PDE3B: variants seen among roughly 807,000 people sequenced by gnomAD.
PDE3B encodes phosphodiesterase 3B.
In PDE3B, 66 loss-of-function variants were observed where a neutral mutation model predicts 116.8. The observed-to-expected ratio is 0.56, with a 90% CI of 0.46 to 0.69. The LOEUF is 0.69. PDE3B is among the 30% of genes least tolerant of loss of function. The pLI is 0.00. For missense variants in PDE3B, 1,384 were observed against 1,368.1 expected, an observed-to-expected ratio of 1.01 and a Z score of -0.18; for synonymous variants, 595 against 533.6, an observed-to-expected ratio of 1.12 and a Z score of -1.59.
At chr11:14,779,146 C>G (rs1857889604) in intron 2 of PDE3B, among the ~76,000 whole-genome samples, 1 of 152,116 alleles carries the variant, frequency 6.6e-6, no homozygotes, top group Non-Finnish European at 1.5e-5. Context: ...TGAGCAAAGC[C>G]TCCAAGAAAT....
intron 10 of PDE3B, among the ~76,000 whole-genome samples, chr11:14,833,952 C>T (rs894678092): frequency 9.2e-5 from 14 of 152,124 alleles, no homozygotes; most frequent in African/African-American, 2.4e-4. Flanking sequence ...AGTTAGGATA[C>T]ATTAGTTAAG....
At chr11:14,677,501 A>C (rs1484542026) in intron 1 of PDE3B, among the ~76,000 whole-genome samples, 1 of 152,208 alleles carries the variant, frequency 6.6e-6, no homozygotes, top group Non-Finnish European at 1.5e-5. Flanking sequence ...ATTTCCCTCG[A>C]ATCTTAAGTA....
the PDE3B span, chr11:14,890,357 C>A: frequency 2.4e-6 from 1 of 410,554 alleles, no homozygotes; most frequent in Non-Finnish European, 3.3e-6. Flanking sequence ...AAATATATTA[C>A]ATGAAAATCA....
At chr11:14,743,273 C>A (rs1856818308) in intron 1 of PDE3B, among the ~76,000 whole-genome samples, 1 of 152,176 alleles carries the variant, frequency 6.6e-6, no homozygotes, top group African/African-American at 2.4e-5. Flanking sequence ...GAGGTGGAAT[C>A]TAGAGAGGAA....
intron 1 of PDE3B, among the ~76,000 whole-genome samples, chr11:14,752,359 T>C (rs1857077612): frequency 2.0e-5 from 3 of 152,330 alleles, no homozygotes; most frequent in East Asian, 1.9e-4. Context: ...AGTGGTATTA[T>C]ACTATCTTCT....
chr11:14,764,164 A>C (rs1273801564), intron 1 of PDE3B, among the ~76,000 whole-genome samples: 1 of 152,124 alleles, frequency 6.6e-6, no homozygotes, highest in Admixed American at 6.6e-5. Flanking sequence ...TGAAGGAAGG[A>C]CCAGCTAGTA....
chr11:14,879,461 T>G, the PDE3B span: 1 of 1,572,466 alleles, frequency 6.4e-7, no homozygotes. Context: ...AGAAAAAGTA[T>G]TCAAGTTATT....
downstream of PDE3B, among the ~76,000 whole-genome samples, chr11:14,876,862 C>G (rs749146367): frequency 5.3e-5 from 8 of 152,108 alleles, no homozygotes; most frequent in Non-Finnish European, 1.2e-4. Flanking sequence ...CACCCTTCCT[C>G]CAAATTCCCC....
chr11:14,885,969 T>G, the PDE3B span: 6 of 1,571,178 alleles, frequency 3.8e-6, no homozygotes, highest in Non-Finnish European at 5.2e-6. Context: ...TATGGAGAAA[T>G]ATAACCATGG....
chr11:14,873,342 TTTG>T (rs1333975295), downstream of PDE3B, among the ~76,000 whole-genome samples: 5 of 152,202 alleles, frequency 3.3e-5, no homozygotes, highest in Non-Finnish European at 7.3e-5. Flanking sequence ...CTGTAACTAA[TTTG>T]TTGTTAATTT....
chr11:14,834,429 T>C (rs935977118), intron 10 of PDE3B, among the ~76,000 whole-genome samples: 1 of 152,228 alleles, frequency 6.6e-6, no homozygotes. Context: ...AAGCCTATAC[T>C]CTTTACACTA....
At chr11:14,704,382 A>G (rs1855468640) in intron 1 of PDE3B, among the ~76,000 whole-genome samples, 1 of 151,780 alleles carries the variant, frequency 6.6e-6, no homozygotes, top group Non-Finnish European at 1.5e-5. Flanking sequence ...AAATTCAGAG[A>G]TATTCTAATA....
At chr11:14,861,181 AATG>A (rs782503537) in intron 13 of PDE3B, 21 bp from the exon 14 acceptor site, 1 of 1,587,718 alleles carries the variant, frequency 6.3e-7, no homozygotes, top group Non-Finnish European at 8.6e-7. Context: ...CAGAACCTAA[AATG>A]ATGTTGTTTT....
chr11:14,757,489 G>A lies in PDE3B; in HGVS notation c.979-14448G>A, dbSNP rs577537947. Among the ~76,000 whole-genome samples, 265 of 151,332 alleles carry A rather than the reference G, an allele frequency of 1.8e-3. 1 individual carries two copies. The highest frequency in any genetic ancestry group is 5.9e-3 in the African/African-American group (242 of 41,048). Reference sequence around the variant, plus strand: ...GCTGTTTCCTGACTTTTTAATGACTGCCATTCTAACTGGTGTGAGATGGTA... The same window carrying A: ...GCTGTTTCCTGACTTTTTAATGACTACCATTCTAACTGGTGTGAGATGGTA... On this transcript the variant is annotated intron_variant, in intron 1 of 15. Transcript: ENST00000282096.
intron 1 of PDE3B, among the ~76,000 whole-genome samples, chr11:14,669,714 T>G (rs540987009): frequency 2.6e-5 from 4 of 151,826 alleles, no homozygotes; most frequent in African/African-American, 9.7e-5. Context: ...ATGCGGTGTT[T>G]GGTTTTCTGT....
intron 1 of PDE3B, among the ~76,000 whole-genome samples, chr11:14,705,282 A>T (rs1414703991): frequency 6.6e-6 from 1 of 151,864 alleles, no homozygotes; most frequent in East Asian, 1.9e-4. Flanking sequence ...GAATGGTTAA[A>T]CAAATTGTGC....
the PDE3B span, among the ~76,000 whole-genome samples, chr11:14,894,591 G>A: frequency 6.6e-6 from 1 of 152,144 alleles, no homozygotes; most frequent in Non-Finnish European, 1.5e-5. Context: ...TGGCTACATA[G>A]CAGAGGAGAG....
intron 1 of PDE3B, among the ~76,000 whole-genome samples, chr11:14,663,491 C>G (rs961958017): frequency 6.6e-6 from 1 of 152,070 alleles, no homozygotes; most frequent in African/African-American, 2.4e-5. Flanking sequence ...GCTAAATGCT[C>G]CAATTAAAAG....
At chr11:14,886,146 C>T in the PDE3B span, 179 of 539,962 alleles carry the variant, frequency 3.3e-4, 4 homozygotes, top group South Asian at 3.6e-3. Flanking sequence ...GTCTTACCAA[C>T]AGTATAATGA....
Sources: gnomAD v4.1 joint callset for allele counts (sites outside exome capture counted in the v4.1 genomes callset) on GRCh38, gnomAD v4.1.1 for gene constraint, MANE v1.5 for transcripts, NCBI Gene and HGNC (gene_info 2026-07-23, HGNC 2026-07-21) for gene names.